Variants in CHRNG observed in about 807,000 individuals in gnomAD.
CHRNG encodes cholinergic receptor nicotinic gamma subunit, also known as acetylcholine receptor subunit gamma.
Under a neutral mutation model 65.2 loss-of-function variants are expected in CHRNG, and 72 were observed. The ratio of observed to expected loss-of-function variants is 1.10; its 90% CI spans 0.91 to 1.34. CHRNG has a LOEUF of 1.34. Ranked by LOEUF, CHRNG falls within the 40% of genes most tolerant of loss-of-function variation. CHRNG has a pLI of 0.00. For synonymous variants in CHRNG, 284 were observed against 290.2 expected (o/e 0.98, Z 0.22); for missense variants, 637 against 680.1 (o/e 0.94, Z 0.70).
chr2:232,542,191 G>A (rs1320691226), intron 5 of CHRNG, among the ~76,000 whole-genome samples: 2 of 152,184 alleles, frequency 1.3e-5, no homozygotes, highest in African/African-American at 4.8e-5. Context: ...CCATCAGCCA[G>A]GTGAGGGCCC....
rs774341652 is a variant in CHRNG, at chr2:232,542,536, G to A, written c.604+16G>A. The A allele has an allele frequency of 5.1e-6, 8 of 1,572,042 alleles. No individual in the cohort carries two copies. Among genetic ancestry groups the A allele is most frequent in the Non-Finnish European group, 7.0e-6 (8 of 1,142,396 alleles). On this transcript the variant is annotated intron_variant, in intron 6 of 11. Transcript: ENST00000651502. ...GCCTTCACAGGTAACCCCCACCCAA[G>A]GGCTCCCCAGGCAGCCTCATCCAGG...
At position 232,539,803 on chromosome 2, in the gene CHRNG, G is replaced by T; in HGVS notation, c.55+1G>T. The T allele has an allele frequency of 6.2e-7, 1 of 1,613,818 alleles. No individual in the cohort carries two copies. Among genetic ancestry groups the T allele is most frequent in the East Asian group, 2.2e-5 (1 of 44,884 alleles). On this transcript the variant is annotated splice_donor_variant, in intron 1 of 11. Transcript: ENST00000651502. LOFTEE classifies it high-confidence loss of function. Reference sequence around the variant, plus strand: ...CTGCTGCTGCTGGCTGTCTGCCTGGGTGGGACACAAAGGAATCTCAGCCTG... The same window carrying T: ...CTGCTGCTGCTGGCTGTCTGCCTGGTTGGGACACAAAGGAATCTCAGCCTG...
chr2:232,544,557 TGGC>T lies in CHRNG; in HGVS notation c.1230_1232del (p.Ala412del). The T allele has an allele frequency of 6.2e-7, 1 of 1,613,302 alleles. No homozygotes were observed. Among genetic ancestry groups the T allele is most frequent in the Middle Eastern group, 1.7e-4 (1 of 5,990 alleles). On this transcript the variant is annotated inframe_deletion, in exon 10 of 12. Transcript: ENST00000651502. ...CAGCAGTGGCAGCGGCAAGGGCTGG[TGGC>T]GGCAGCGCTGGAGAAGCTAGGTGAG...
At chr2:232,542,094 G>C (rs1656388) in intron 5 of CHRNG, among the ~76,000 whole-genome samples, 121,075 of 151,824 alleles carry the variant, frequency 0.8, 48,604 homozygotes, top group South Asian at 0.86. Flanking sequence ...GGGTCCTCCT[G>C]AGGTAGGCAT....
rs763795515 is a variant in CHRNG, at chr2:232,540,739, G to A, written c.350+28G>A. ...GAGGAGGGGGTGCAGGCAGGGGTGT[G>A]GGGGACAAAGGACACAGGGTCTGGG... On this transcript the variant is annotated intron_variant, in intron 4 of 11. Coordinates refer to ENST00000651502, the MANE Select transcript of CHRNG (RefSeq NM_005199.5). The surrounding 1 kb of genome is among the most constrained non-coding windows in gnomAD (Gnocchi z 4.2). The A allele has an allele frequency of 1.8e-5, 28 of 1,579,384 alleles. No homozygotes were observed. The highest frequency in any genetic ancestry group is 2.4e-5 in the Non-Finnish European group (28 of 1,157,210).
At chr2:232,543,781 C>T in intron 9 of CHRNG, 82 bp downstream of exon 9, 1 of 839,726 alleles carries the variant, frequency 1.2e-6, no homozygotes, top group South Asian at 1.4e-5. Context: ...CAGTACTCAC[C>T]TGTGGCATTC....
rs372410192 is a variant in CHRNG, at chr2:232,540,359, T to A, written c.196-22T>A. On this transcript the variant is annotated intron_variant, in intron 2 of 11. Coordinates refer to ENST00000651502, the MANE Select transcript of CHRNG (RefSeq NM_005199.5). The surrounding 1 kb of genome is among the most constrained non-coding windows in gnomAD (Gnocchi z 4.2). ...CTGAAGTCGGGGGCTGAGCCCTCCA[T>A]ACTACACCCTTGCACCCCCAGAACG... 44 of 1,613,772 alleles carry A rather than the reference T, an allele frequency of 2.7e-5. No homozygotes were observed. Among genetic ancestry groups the A allele is most frequent in the Non-Finnish European group, 3.6e-5 (42 of 1,179,922 alleles).
At chr2:232,545,103 C>T (rs1325714648) in intron 11 of CHRNG, among the ~76,000 whole-genome samples, 1 of 152,026 alleles carries the variant, frequency 6.6e-6, no homozygotes, top group Non-Finnish European at 1.5e-5. Flanking sequence ...TTGAGACCAG[C>T]CTGGCCAACA....
Position 232,542,459 on chromosome 2 carries a change from G to A in CHRNG, c.543G>A (p.Gln181=), listed in dbSNP as rs753990044. 161 of 1,613,900 alleles carry A rather than the reference G, an allele frequency of 1.0e-4. No homozygotes were observed. The highest frequency in any genetic ancestry group is 1.6e-4 in the Middle Eastern group (1 of 6,084). ...QTYSTNEIDL[Q]LSQEDGQTIE... Reference sequence around the variant, plus strand: ...ACAGCACCAATGAGATTGATCTGCAGCTGAGTCAGGAAGATGGCCAGACCA... The same window carrying A: ...ACAGCACCAATGAGATTGATCTGCAACTGAGTCAGGAAGATGGCCAGACCA... Residue 181 remains glutamine, a synonymous_variant, in exon 6 of 12, where the codon CAG becomes CAA. Transcript: ENST00000651502.
Position 232,540,649 on chromosome 2 carries a change from C to A in CHRNG, c.288C>A (p.Gly96=). The A allele has an allele frequency of 6.2e-7, 1 of 1,613,150 alleles. No homozygotes were observed. Among genetic ancestry groups the A allele is most frequent in the Non-Finnish European group, 8.5e-7 (1 of 1,179,988 alleles). ...RLRWDPRDYE[G]LWVLRVPSTM... ...GCTGGGATCCGCGAGACTACGAAGG[C>A]CTGTGGGTGCTGAGGGTGCCGTCCA... is the stretch of plus-strand genomic sequence containing the variant. The change falls in exon 4 of 12, where the codon GGC becomes GGA. Residue 96 remains glycine (G), a synonymous_variant. Coordinates refer to ENST00000651502, the MANE Select transcript of CHRNG (RefSeq NM_005199.5). The surrounding 1 kb of genome is among the most constrained non-coding windows in gnomAD (Gnocchi z 4.2).
At chr2:232,545,461 C>A in intron 11 of CHRNG, 82 bp from the exon 12 acceptor site, 2 of 1,287,932 alleles carry the variant, frequency 1.6e-6, no homozygotes, top group Non-Finnish European at 2.2e-6. Context: ...CATGGGCCTG[C>A]TGGAAGCCCA....
Position 232,541,242 on chromosome 2 carries a change from CA to C in CHRNG, c.351-131del, listed in dbSNP as rs559318003. 93 of 1,143,550 alleles carry C rather than the reference CA, an allele frequency of 8.1e-5. No homozygotes were observed. The African/African-American group carries it at 1.2e-3, about 14-fold the overall frequency. The allele number at this position is 1,143,550 out of a possible 1,614,324, so 70.8% of individuals were successfully genotyped here. On this transcript the variant is annotated intron_variant, in intron 4 of 11. Transcript: ENST00000651502. The surrounding 1 kb of genome is among the most constrained non-coding windows in gnomAD (Gnocchi z 4.0). ...CCTAGTGGTCCGGGTGGGAACCAGT[CA>C]GGGGGTGACAGGCTGGTAGGGACTG...
intron 10 of CHRNG, 22 bp downstream of exon 10, chr2:232,544,602 TG>T (rs760472965): frequency 2.1e-5 from 34 of 1,600,200 alleles, no homozygotes; most frequent in Non-Finnish European, 2.8e-5. Context: ...CAGGTGTGCC[TG>T]GGGACAGTCC....
At chr2:232,542,654 T>G in intron 6 of CHRNG, 134 bp downstream of exon 6, 1 of 751,808 alleles carries the variant, frequency 1.3e-6, no homozygotes, top group African/African-American at 1.7e-5. Flanking sequence ...CCATAAAATA[T>G]GCTTTTTAAA....
chr2:232,544,554 T>C lies in CHRNG; in HGVS notation c.1223T>C (p.Leu408Pro). 6.2e-7 allele frequency: 1 copy of C among 1,613,492 alleles called. No individual in the cohort carries two copies. The change falls in exon 10 of 12, where the codon CTG becomes CCG. Residue 408 changes from leucine to proline, a missense_variant. Coordinates refer to ENST00000651502, the MANE Select transcript of CHRNG (RefSeq NM_005199.5). ...TTCCAGCAGTGGCAGCGGCAAGGGCTGGTGGCGGCAGCGCTGGAGAAGCTA... is the reference window on the plus strand; with the variant it reads ...TTCCAGCAGTGGCAGCGGCAAGGGCCGGTGGCGGCAGCGCTGGAGAAGCTA... ...LLFQQWQRQG[L>P]VAAALEKLEK...
chr2:232,539,966 G>A (rs1295326863), intron 1 of CHRNG, 26 bp from the exon 2 acceptor site: 3 of 1,613,892 alleles, frequency 1.9e-6, no homozygotes, highest in East Asian at 4.5e-5. Flanking sequence ...CCAAGCTCCT[G>A]CTAGGCTCAC....
chr2:232,544,401 T>G lies in CHRNG; in HGVS notation c.1070T>G (p.Met357Arg). ...FLRLLPQLLR[M>R]HVRPLAPAAV... ...AGGCTCTTGCCCCAGCTGCTGAGGA[T>G]GCACGTTCGCCCGCTGGCCCCGGCA... Residue 357 changes from methionine to arginine, a missense_variant, in exon 10 of 12, where the codon ATG becomes AGG. Coordinates refer to ENST00000651502, the MANE Select transcript of CHRNG (RefSeq NM_005199.5). 6.2e-7 allele frequency: 1 copy of G among 1,613,474 alleles called. No individual in the cohort carries two copies. The highest frequency in any genetic ancestry group is 8.5e-7 in the Non-Finnish European group (1 of 1,180,004).
At chr2:232,543,147 G>A (rs754891684) in intron 7 of CHRNG, 65 bp downstream of exon 7, 65 of 1,558,294 alleles carry the variant, frequency 4.2e-5, no homozygotes, top group Admixed American at 1.0e-4. Flanking sequence ...GCCGGGGTGG[G>A]CCCTGCCTGG....
At chr2:232,542,687 T>C (rs989888612) in intron 6 of CHRNG, among the ~76,000 whole-genome samples, 167 bp downstream of exon 6, 4 of 152,108 alleles carry the variant, frequency 2.6e-5, no homozygotes, top group Non-Finnish European at 5.9e-5. Context: ...GCTCTGACTT[T>C]CCTCATGATA....
Sources: gnomAD v4.1 joint callset for allele counts (sites outside exome capture counted in the v4.1 genomes callset) on GRCh38, gnomAD v4.1.1 for gene constraint, Gnocchi (gnomAD v3.1) non-coding constraint, MANE v1.5 for transcripts, NCBI Gene and HGNC (gene_info 2026-07-23, HGNC 2026-07-21) for gene names.